NR2C1: variants seen among roughly 807,000 people sequenced by gnomAD.
The protein encoded by NR2C1 is nuclear receptor subfamily 2 group C member 1, also known as TR2 nuclear hormone receptor.
NR2C1 carries 33 observed loss-of-function variants against 74.8 expected under a neutral mutation model. The observed-to-expected ratio is 0.44, with a 90% CI of 0.33 to 0.59. The LOEUF (loss-of-function observed/expected upper bound fraction) is 0.59, where lower values mean the gene tolerates loss of function less well. NR2C1 is among the 20% of genes least tolerant of loss of function. NR2C1 has a pLI of 0.02. For synonymous variants in NR2C1, 225 were observed against 240.6 expected (o/e 0.94, Z 0.60); for missense variants, 568 against 715.6 (o/e 0.79, Z 2.35).
In NR2C1 at chr12:95,037,316, C is replaced by A. The variant is rs12305140; in HGVS notation, c.1253+3160G>T. On this transcript the variant is annotated intron_variant, in intron 10 of 13. Coordinates refer to ENST00000333003, the MANE Select transcript of NR2C1 (RefSeq NM_003297.4). Reference sequence around the variant, plus strand: ...AACTGAATTACTCTAAGTACTGAAACTACAAATCTTAAAACAGAAAATCAA... The same window carrying A: ...AACTGAATTACTCTAAGTACTGAAAATACAAATCTTAAAACAGAAAATCAA... Among the ~76,000 whole-genome samples the A allele has an allele frequency of 9.6e-3, 1,459 of 152,298 alleles. 23 individuals carry two copies. The highest frequency in any genetic ancestry group is 0.032 in the African/African-American group (1,342 of 41,572).
At chr12:95,068,634 A>C (rs549463710) in intron 1 of NR2C1, among the ~76,000 whole-genome samples, 1 of 152,204 alleles carries the variant, frequency 6.6e-6, no homozygotes, top group Admixed American at 6.5e-5. Flanking sequence ...ATCTCTACTA[A>C]AAATACAAAA....
At chr12:95,029,803 C>T (rs542597819) in intron 11 of NR2C1, among the ~76,000 whole-genome samples, 4 of 152,202 alleles carry the variant, frequency 2.6e-5, no homozygotes, top group Non-Finnish European at 4.4e-5. Context: ...ATGATCCACC[C>T]GCCTAGGCAT....
chr12:95,054,807 G>T (rs1299801817), intron 7 of NR2C1, among the ~76,000 whole-genome samples: 4 of 151,842 alleles, frequency 2.6e-5, no homozygotes, highest in African/African-American at 9.7e-5. Flanking sequence ...TCGCAGAGGG[G>T]GATTTGGCAG....
chr12:95,051,374 G>A (rs1033956222), intron 8 of NR2C1, among the ~76,000 whole-genome samples: 11 of 152,130 alleles, frequency 7.2e-5, no homozygotes, highest in East Asian at 1.9e-4. Flanking sequence ...AAGTAAGCAC[G>A]CCCACTAAGG....
At chr12:95,049,649 T>C (rs1261732924) in intron 8 of NR2C1, among the ~76,000 whole-genome samples, 1 of 150,466 alleles carries the variant, frequency 6.6e-6, no homozygotes, top group African/African-American at 2.5e-5. Context: ...ATTATATGTA[T>C]GATATATATA....
intron 11 of NR2C1, among the ~76,000 whole-genome samples, chr12:95,029,907 T>C (rs1373499987): frequency 6.6e-6 from 1 of 152,114 alleles, no homozygotes; most frequent in Non-Finnish European, 1.5e-5. Flanking sequence ...CTCACTCTGT[T>C]GTCCAAGCTA....
At chr12:95,030,670 A>G (rs1454062666) in intron 11 of NR2C1, 1 of 1,606,844 alleles carries the variant, frequency 6.2e-7, no homozygotes, top group Non-Finnish European at 8.5e-7. Context: ...TAAAAATTAT[A>G]TAAAACAATA....
At chr12:95,052,602 T>G (rs1873186110) in intron 7 of NR2C1, among the ~76,000 whole-genome samples, 1 of 152,058 alleles carries the variant, frequency 6.6e-6, no homozygotes. Flanking sequence ...CCTACAGGTG[T>G]GCACTGCTAT....
In NR2C1 at chr12:95,026,436, A is replaced by G. The variant is rs572343511; in HGVS notation, c.1532-1181T>C. The stretch of plus-strand genomic sequence containing the variant: ...AAAACAGAAATATTAAAAGAACTTC[A>G]TAAAAATTATGCATAGCTTAAGAAA... On this transcript the variant is annotated intron_variant, in intron 12 of 13. Transcript: ENST00000333003. Among the ~76,000 whole-genome samples, 191 of 152,322 alleles carry G rather than the reference A, an allele frequency of 1.3e-3. No homozygotes were observed. The South Asian group carries it at 0.018, about 14-fold the overall frequency.
chr12:95,037,872 G>A (rs1237153665), intron 10 of NR2C1, among the ~76,000 whole-genome samples: 1 of 145,214 alleles, frequency 6.9e-6, no homozygotes, highest in Non-Finnish European at 1.5e-5. Context: ...TCCAGTCTGG[G>A]CGACAGAGCG....
At chr12:95,054,137 G>C (rs1005614247) in intron 7 of NR2C1, among the ~76,000 whole-genome samples, 8 of 152,106 alleles carry the variant, frequency 5.3e-5, no homozygotes, top group African/African-American at 1.7e-4. Flanking sequence ...ATCATTTACT[G>C]AAAACCCTAC....
At position 95,028,456 on chromosome 12, in the gene NR2C1, T is replaced by C. The variant is rs748469216; in HGVS notation, c.1462A>G (p.Ser488Gly). ...HIFKLQEFCN[S>G]MVKLCIDGYE... ...CCATCAATGCAGAGTTTAACCATGC[T>C]GTTACAAAACTCCTGTAGTTTGAAG... The change falls in exon 12 of 14, where the codon AGC becomes GGC. Residue 488 changes from serine (S) to glycine (G), a missense_variant. Ser to Gly is a moderately conservative substitution (Grantham distance 56). Around this residue, in one of 6 missense-constraint regions of NR2C1, gnomAD observed 117 missense variants for 186.7 expected, o/e 0.63. Coordinates refer to ENST00000333003, the MANE Select transcript of NR2C1 (RefSeq NM_003297.4). 6 of 1,604,106 alleles carry C rather than the reference T, an allele frequency of 3.7e-6. No homozygotes were observed. The Admixed American group carries it at 8.4e-5, about 23-fold the overall frequency.
At position 95,023,165 on chromosome 12, in the gene NR2C1, G is replaced by A. The variant is rs373508286; in HGVS notation, c.1638-762C>T. On this transcript the variant is annotated intron_variant, in intron 13 of 13. Transcript: ENST00000333003. ...ATAATAAAATAAAATAAAATCAGCC[G>A]GGCATGACCAGCCTGGCCAACATGG... is the stretch of plus-strand genomic sequence containing the variant. 2.8e-4 allele frequency among the ~76,000 whole-genome samples: 42 copies of A among 152,040 alleles called. 4 individuals carry two copies. The highest frequency in any genetic ancestry group is 1.5e-3 in the East Asian group (8 of 5,172).
chr12:95,022,148 G>T lies in NR2C1; in HGVS notation c.*81C>A. The stretch of plus-strand genomic sequence containing the variant: ...CTTTTTAAAGTAAAAATTTCCAGAT[G>T]CCTCAAAAGCAGTGAGTTCAATTTG... On this transcript the variant is annotated 3_prime_UTR_variant, in exon 14 of 14. Transcript: ENST00000333003. 1 of 1,106,180 alleles carries T rather than the reference G, an allele frequency of 9.0e-7. No individual in the cohort carries two copies. Among genetic ancestry groups the T allele is most frequent in the African/African-American group, 1.6e-5 (1 of 61,408 alleles). The allele number at this position is 1,106,180 out of a possible 1,614,324, so 68.5% of individuals were successfully genotyped here.
At chr12:95,028,333 T>C in intron 12 of NR2C1, 54 bp downstream of exon 12, 3 of 1,485,988 alleles carry the variant, frequency 2.0e-6, no homozygotes, top group Non-Finnish European at 2.8e-6. Context: ...AGGGCTTCTA[T>C]TTCTCCACAT....
intron 1 of NR2C1, among the ~76,000 whole-genome samples, chr12:95,071,096 G>A (rs528877032): frequency 1.3e-5 from 2 of 152,002 alleles, no homozygotes; most frequent in African/African-American, 2.4e-5. Context: ...AGCTATGCAG[G>A]AGGCTGAGGC....
rs775936741 is a variant in NR2C1 at position 95,062,669 on chromosome 12, T to C, written c.124A>G (p.Lys42Glu). The C allele has an allele frequency of 3.7e-6, 6 of 1,614,172 alleles. No individual in the cohort carries two copies. The highest frequency in any genetic ancestry group is 5.1e-6 in the Non-Finnish European group (6 of 1,180,026). Residue 42 changes from lysine (K) to glutamate (E), a missense_variant, in exon 3 of 14, where the codon AAG becomes GAG. Around this residue, in one of 6 missense-constraint regions of NR2C1, gnomAD observed 128 missense variants for 118.9 expected, o/e 1.08. Transcript: ENST00000333003. ...VTALDHNTQGKQFILTNHDGS... is the reference protein window; with the variant it reads ...VTALDHNTQGEQFILTNHDGS... ...TCGTGATTTGTCAGAATGAACTGCTTGCCTTGGGTATTATGATCAAGTGCT... is the reference window on the plus strand; with the variant it reads ...TCGTGATTTGTCAGAATGAACTGCTCGCCTTGGGTATTATGATCAAGTGCT...
Position 95,059,925 on chromosome 12 carries a change from T to C in NR2C1, c.345A>G (p.Val115=), listed in dbSNP as rs371105783. ...TGTTACCTGATGCTTTGTCTCCACATACTACGCAAAGATCAAAAACCTTAT... is the reference window on the plus strand; with the variant it reads ...TGTTACCTGATGCTTTGTCTCCACACACTACGCAAAGATCAAAAACCTTAT... The part of the protein sequence containing the change: ...GPNKVFDLCV[V]CGDKASGRHY... The change falls in exon 4 of 14, where the codon GTA becomes GTG. Residue 115 remains valine (V), a synonymous_variant. Transcript: ENST00000333003. 24 of 1,563,694 alleles carry C rather than the reference T, an allele frequency of 1.5e-5. No individual in the cohort carries two copies. The African/African-American group carries it at 3.0e-4, about 20-fold the overall frequency.
intron 2 of NR2C1, chr12:95,062,989 A>T: frequency 1.9e-6 from 1 of 524,592 alleles, no homozygotes; most frequent in Non-Finnish European, 3.4e-6. Flanking sequence ...TGTTCCATTT[A>T]GACAAACATA....
Sources: allele counts gnomAD v4.1 joint callset (sites outside exome capture counted in the v4.1 genomes callset), GRCh38; gene constraint gnomAD v4.1.1; regional missense constraint gnomAD v4.1.1; transcripts MANE v1.5; gene names NCBI Gene and HGNC (gene_info 2026-07-23, HGNC 2026-07-21).